The following SIRPG variants were observed in gnomAD, a reference collection of about 807,000 sequenced individuals.
SIRPG encodes the protein signal regulatory protein gamma, also known as signal-regulatory protein gamma.
In SIRPG, 38 loss-of-function variants were observed where a neutral mutation model predicts 35.7. The ratio of observed to expected loss-of-function variants is 1.06; its 90% CI spans 0.82 to 1.40. The LOEUF is 1.40. Among genes scored for constraint, SIRPG ranks in the 40% most tolerant of loss-of-function variants. The pLI is 0.00. For synonymous variants in SIRPG, 215 were observed against 190.4 expected (o/e 1.13, Z -1.06); for missense variants, 519 against 483.0 (o/e 1.07, Z -0.70).
chr20:1,648,519 G>A (rs2122538182), intron 2 of SIRPG: 1 of 152,378 alleles, frequency 6.6e-6, no homozygotes, highest in South Asian at 2.1e-4. Flanking sequence ...GAGAATGTAA[G>A]CTTGGTGTGG....
intron 4 of SIRPG, 44 bp from the exon 5 acceptor site, chr20:1,630,350 G>C (rs1168107836): frequency 6.7e-7 from 1 of 1,486,566 alleles, no homozygotes; most frequent in Non-Finnish European, 9.2e-7. Flanking sequence ...AGACCACTTG[G>C]GAGGCCATTG....
intron 1 of SIRPG, among the ~76,000 whole-genome samples, chr20:1,652,182 CTT>C (rs1363656635): frequency 6.6e-6 from 1 of 152,178 alleles, no homozygotes; most frequent in East Asian, 1.9e-4. Context: ...CCCTCTCTGC[CTT>C]GTTCTTTACT....
chr20:1,685,530 A>G, the SIRPG span, among the ~76,000 whole-genome samples: 1 of 152,184 alleles, frequency 6.6e-6, no homozygotes, highest in Admixed American at 6.5e-5. Flanking sequence ...AACCCTGCCA[A>G]CACCTTGATC....
At chr20:1,648,207 C>A (rs7269803) in intron 2 of SIRPG, 23,079 of 152,134 alleles carry the variant, frequency 0.15, 1,923 homozygotes, top group African/African-American at 0.18. Flanking sequence ...TTAAATTGGG[C>A]ACCCCTGAGC....
intron 2 of SIRPG, among the ~76,000 whole-genome samples, chr20:1,636,826 T>C (rs1017751951): frequency 2.6e-5 from 4 of 152,102 alleles, no homozygotes; most frequent in Non-Finnish European, 2.9e-5. Flanking sequence ...CTCTGTGTAT[T>C]AACTGGTGCT....
At chr20:1,648,937 G>T (rs964962611) in intron 2 of SIRPG, 115 bp downstream of exon 2, 14 of 971,234 alleles carry the variant, frequency 1.4e-5, no homozygotes, top group Non-Finnish European at 2.1e-5. Flanking sequence ...GGTGACAACA[G>T]GTCTTGAAAA....
At chr20:1,673,819 T>C in the SIRPG span, among the ~76,000 whole-genome samples, 87 of 152,340 alleles carry the variant, frequency 5.7e-4, no homozygotes, top group Non-Finnish European at 8.5e-4. Context: ...CATCTTCGTG[T>C]GTGGAGGCAG....
rs145923573 is a variant in SIRPG at position 1,638,665 on chromosome 20, T to C, written c.431-2160A>G. Among the ~76,000 whole-genome samples, 18 of 152,304 alleles carry C rather than the reference T, an allele frequency of 1.2e-4. No homozygotes were observed. In the East Asian group the frequency reaches 3.1e-3, roughly 26 times the overall value. On this transcript the variant is annotated intron_variant, in intron 2 of 5. Transcript: ENST00000303415. ...AAGTGCAGAATATGCAGGTTTGTTTTATAGGTTATGTTTGCCATGGTGGTT... is the reference window on the plus strand; with the variant it reads ...AAGTGCAGAATATGCAGGTTTGTTTCATAGGTTATGTTTGCCATGGTGGTT...
chr20:1,647,213 G>C lies in SIRPG; in HGVS notation c.430+1839C>G, dbSNP rs914464770. 2.0e-5 allele frequency: 3 copies of C among 152,464 alleles called. No individual in the cohort carries two copies. In the East Asian group the frequency reaches 5.8e-4, roughly 29 times the overall value. 9.4% of individuals were successfully genotyped at this position (152,464 alleles called of 1,614,324 possible). A position where few individuals can be genotyped will look rare whatever the true frequency, so the allele number is the denominator to read the frequency against. On this transcript the variant is annotated intron_variant, in intron 2 of 5. Transcript: ENST00000303415. ...TAGCACTGGTTATAAGCAGACTTTG[G>C]CACAACTGCCACTCCCTGGCCCCCT...
intron 1 of SIRPG, among the ~76,000 whole-genome samples, chr20:1,653,424 C>T (rs2091954723): frequency 6.6e-6 from 1 of 152,164 alleles, no homozygotes; most frequent in South Asian, 2.1e-4. Flanking sequence ...AGTTATTGCT[C>T]AGTAGATTTC....
At chr20:1,667,086 A>G in the SIRPG span, among the ~76,000 whole-genome samples, 1 of 152,162 alleles carries the variant, frequency 6.6e-6, no homozygotes, top group Non-Finnish European at 1.5e-5. Context: ...CTGTAGAGAC[A>G]GGGTCTCACC....
intron 4 of SIRPG, among the ~76,000 whole-genome samples, chr20:1,634,433 T>C (rs1458965030): frequency 6.6e-6 from 1 of 151,824 alleles, no homozygotes; most frequent in East Asian, 2.0e-4. Context: ...GGTCTCGATC[T>C]CCTGACCTCG....
upstream of SIRPG, among the ~76,000 whole-genome samples, chr20:1,662,178 A>C (rs2091997894): frequency 6.6e-6 from 1 of 152,220 alleles, no homozygotes; most frequent in African/African-American, 2.4e-5. Context: ...GGGCAGGGTA[A>C]TATAGAGAAT....
chr20:1,669,096 C>A, the SIRPG span, among the ~76,000 whole-genome samples: 299 of 152,268 alleles, frequency 2.0e-3, 3 homozygotes, highest in African/African-American at 6.7e-3. Flanking sequence ...AGGGGAATAT[C>A]GGCCAACTTC....
the SIRPG span, among the ~76,000 whole-genome samples, chr20:1,685,713 A>C: frequency 1.3e-5 from 2 of 152,208 alleles, no homozygotes; most frequent in Non-Finnish European, 2.9e-5. Flanking sequence ...CTGAGATTAC[A>C]GAGGAGTGGG....
the SIRPG span, among the ~76,000 whole-genome samples, chr20:1,664,812 C>T: frequency 6.6e-6 from 1 of 152,198 alleles, no homozygotes; most frequent in Non-Finnish European, 1.5e-5. Context: ...CTCAGCCCTC[C>T]TCCTGAGTCC....
At chr20:1,644,187 C>G (rs2091878864) in intron 2 of SIRPG, among the ~76,000 whole-genome samples, 1 of 152,178 alleles carries the variant, frequency 6.6e-6, no homozygotes, top group African/African-American at 2.4e-5. Context: ...CTAAGTCTGC[C>G]AGACTAAGAC....
chr20:1,651,389 C>G (rs2091939201), intron 1 of SIRPG: 1 of 152,256 alleles, frequency 6.6e-6, no homozygotes, highest in Non-Finnish European at 1.5e-5. Context: ...TTCTTGGTGT[C>G]CTCCACCCTG....
intron 2 of SIRPG, among the ~76,000 whole-genome samples, chr20:1,640,820 C>T (rs374048374): frequency 5.5e-4 from 84 of 152,044 alleles, no homozygotes; most frequent in African/African-American, 1.9e-3. Context: ...TAGCATGAAG[C>T]GGTGTTGAAT....
Sources: allele counts gnomAD v4.1 joint callset (sites outside exome capture counted in the v4.1 genomes callset), GRCh38; gene constraint gnomAD v4.1.1; transcripts MANE v1.5; gene names NCBI Gene and HGNC (gene_info 2026-07-23, HGNC 2026-07-21).